The following AATK variants were observed in gnomAD, a reference collection of about 807,000 sequenced individuals.
The protein encoded by AATK is serine/threonine-protein kinase LMTK1.
Under a neutral mutation model 114.3 loss-of-function variants are expected in AATK, and 91 were observed. The observed-to-expected ratio is 0.80, with a 90% CI of 0.67 to 0.95. The LOEUF (loss-of-function observed/expected upper bound fraction) is 0.95, where lower values mean the gene tolerates loss of function less well. Among genes scored for constraint, AATK ranks in the 40% least tolerant of loss-of-function variants. The pLI, the probability that AATK is intolerant of heterozygous loss-of-function variation, is 0.00. For synonymous variants in AATK, 1,075 were observed against 916.5 expected (o/e 1.17, Z -3.12); for missense variants, 2,176 against 1,965.2 (o/e 1.11, Z -2.03).
Position 81,126,691 on chromosome 17 carries a change from G to A in AATK, c.622-131C>T, listed in dbSNP as rs1216489248. The A allele has an allele frequency of 1.5e-5, 22 of 1,444,280 alleles. No homozygotes were observed. The highest frequency in any genetic ancestry group is 7.5e-5 in the East Asian group (3 of 39,836). 89.5% of individuals were successfully genotyped at this position (1,444,280 alleles called of 1,614,324 possible). A position where few individuals can be genotyped will look rare whatever the true frequency, so the allele number is the denominator to read the frequency against. On this transcript the variant is annotated intron_variant, in intron 6 of 13. Transcript: ENST00000326724. The surrounding 1 kb of genome is among the most constrained non-coding windows in gnomAD (Gnocchi z 5.1). ...GACAGCAGCTGCCCAGAGCAGCCTC[G>A]TGCCCTGCACAGTGGCCAGCACCCA... is the stretch of plus-strand genomic sequence containing the variant.
At chr17:81,119,343 C>T (rs1279000212) in intron 13 of AATK, 37 bp downstream of exon 13, 3 of 1,389,990 alleles carry the variant, frequency 2.2e-6, no homozygotes, top group Non-Finnish European at 2.8e-6. Flanking sequence ...CCCTGCCTCC[C>T]GCGTGCCCTT....
intron 6 of AATK, 30 bp downstream of exon 6, chr17:81,127,553 A>T: frequency 1.3e-6 from 2 of 1,568,802 alleles, no homozygotes; most frequent in South Asian, 1.2e-5. Flanking sequence ...CTCAGCAAAG[A>T]CCCCAGCATC....
intron 1 of AATK, among the ~76,000 whole-genome samples, chr17:81,156,069 T>C (rs1020898910): frequency 1.4e-5 from 2 of 147,898 alleles, no homozygotes; most frequent in Non-Finnish European, 3.0e-5. Context: ...TTATAATGTA[T>C]GTTACTATGT....
rs1447538279 is a variant in AATK at position 81,121,798 on chromosome 17, T to C, written c.2138A>G (p.Gln713Arg). The change falls in exon 11 of 14, where the codon CAG (glutamine) becomes CGG (arginine). Residue 713 changes from glutamine (Q) to arginine (R), a missense_variant. By Grantham distance (43) the Gln-to-Arg change is conservative. Around this residue, in one of 4 missense-constraint regions of AATK, gnomAD observed 1,701 missense variants for 1,394.7 expected, o/e 1.22. Coordinates refer to ENST00000326724, the MANE Select transcript of AATK (RefSeq NM_001080395.3). ...CGGCTCGGGGGAGGCCCGTGGGGTCTGCTTTGGACTGGGGCAGCCCTCAGC... is the reference window on the plus strand; with the variant it reads ...CGGCTCGGGGGAGGCCCGTGGGGTCCGCTTTGGACTGGGGCAGCCCTCAGC... ...GHAEGCPSPK[Q>R]TPRASPEPGY... The C allele has an allele frequency of 2.5e-6, 4 of 1,572,584 alleles. No homozygotes were observed. The East Asian group carries it at 9.2e-5, about 36-fold the overall frequency.
At chr17:81,165,886 G>C (rs1384409734) in intron 1 of AATK, 52 bp downstream of exon 1, 2 of 1,551,578 alleles carry the variant, frequency 1.3e-6, no homozygotes, top group Non-Finnish European at 1.7e-6. Context: ...GGGGCATCAC[G>C]TCCGCAGCGG....
At chr17:81,118,923 A>G (rs566338697) in intron 13 of AATK, among the ~76,000 whole-genome samples, 63 of 152,220 alleles carry the variant, frequency 4.1e-4, no homozygotes, top group Non-Finnish European at 8.1e-4. Context: ...GGCAGAGATG[A>G]GCCCAGCCTG....
In AATK at chr17:81,131,170, G is replaced by A. The variant is rs199818976; in HGVS notation, c.225C>T (p.Ala75=). ...FENAEGDEYA[A]DLAQGSPATA... is the part of the protein sequence containing the mutation. ...TGGCCGGGGAGCCCTGCGCCAGGTC[G>A]GCTGCGTACTCGTCCCCCTCCGCAT... The change falls in exon 3 of 14, where the codon GCC becomes GCT. Residue 75 remains alanine, a synonymous_variant. Transcript: ENST00000326724. The A allele has an allele frequency of 7.8e-4, 1,227 of 1,580,474 alleles. 7 individuals are homozygous for A. Among genetic ancestry groups the A allele is most frequent in the Middle Eastern group, 2.0e-3 (12 of 6,024 alleles).
Position 81,165,919 on chromosome 17 carries a change from C to T in AATK, c.55+19G>A. Reference sequence around the variant, plus strand: ...CGGAGGGAGGCAGCGGCGCGCAGGCCGGGCCGCCAGGGACTCACCGGGGTC... The same window carrying T: ...CGGAGGGAGGCAGCGGCGCGCAGGCTGGGCCGCCAGGGACTCACCGGGGTC... On this transcript the variant is annotated intron_variant, in intron 1 of 13. Transcript: ENST00000326724. 2 of 1,570,812 alleles carry T rather than the reference C, an allele frequency of 1.3e-6. No homozygotes were observed. Among genetic ancestry groups the T allele is most frequent in the Middle Eastern group, 1.7e-4 (1 of 5,990 alleles).
intron 1 of AATK, among the ~76,000 whole-genome samples, chr17:81,160,890 G>A (rs1359768887): frequency 1.3e-5 from 2 of 152,202 alleles, no homozygotes; most frequent in Non-Finnish European, 2.9e-5. Flanking sequence ...AGGAGACACC[G>A]AGGTGCTCCG....
chr17:81,120,128 G>T (rs1190444739), intron 11 of AATK, 45 bp from the exon 12 acceptor site: 2 of 1,480,554 alleles, frequency 1.4e-6, no homozygotes, highest in Non-Finnish European at 1.8e-6. Flanking sequence ...GCCAGGAGCC[G>T]CGGCCGCTCC....
At chr17:81,151,576 G>A (rs1258469044) in intron 1 of AATK, among the ~76,000 whole-genome samples, 1 of 152,076 alleles carries the variant, frequency 6.6e-6, no homozygotes, top group Non-Finnish European at 1.5e-5. Context: ...AGCCTCCCAG[G>A]ACAAAGGCTG....
rs1004756246 is a variant in AATK at position 81,151,237 on chromosome 17, G to A, written c.55+14701C>T. Reference sequence around the variant, plus strand: ...TTTTCCAGGTGGAGACACGGAAGCCGGGTGTCAGCCAAGCCCCACCTGCAC... The same window carrying A: ...TTTTCCAGGTGGAGACACGGAAGCCAGGTGTCAGCCAAGCCCCACCTGCAC... On this transcript the variant is annotated intron_variant, in intron 1 of 13. Coordinates refer to ENST00000326724, the MANE Select transcript of AATK (RefSeq NM_001080395.3). Among the ~76,000 whole-genome samples the A allele has an allele frequency of 5.9e-5, 9 of 151,812 alleles. No homozygotes were observed. In the East Asian group the frequency reaches 1.2e-3, roughly 20 times the overall value.
Position 81,126,751 on chromosome 17 carries a change from T to C in AATK, c.622-191A>G, listed in dbSNP as rs1598919557. On this transcript the variant is annotated intron_variant, in intron 6 of 13. Transcript: ENST00000326724. This position sits in a 1 kb window ranked among gnomAD's most constrained non-coding sequence, Gnocchi z 5.1. ...GGAGGGGGGCCGTGTCCCCCAGGGC[T>C]GGGCTGGACTGAAGGCTTCCTCTCC... is the stretch of plus-strand genomic sequence containing the variant. 7.1e-7 allele frequency: 1 copy of C among 1,407,828 alleles called. No homozygotes were observed. The highest frequency in any genetic ancestry group is 9.2e-7 in the Non-Finnish European group (1 of 1,082,812). The allele number at this position is 1,407,828 out of a possible 1,614,324, so 87.2% of individuals were successfully genotyped here. A position where few individuals can be genotyped will look rare whatever the true frequency, so the allele number is the denominator to read the frequency against.
intron 1 of AATK, among the ~76,000 whole-genome samples, chr17:81,139,805 C>T (rs537019997): frequency 6.6e-6 from 1 of 152,326 alleles, no homozygotes; most frequent in Admixed American, 6.5e-5. Flanking sequence ...CTGGAGGGTG[C>T]CTATGTGAGC....
rs1302864952 is a variant in AATK at position 81,122,461 on chromosome 17, G to A, written c.1475C>T (p.Ala492Val). The A allele has an allele frequency of 1.4e-6, 2 of 1,451,638 alleles. No homozygotes were observed. Among genetic ancestry groups the A allele is most frequent in the East Asian group, 6.2e-5 (2 of 32,136 alleles). The allele number at this position is 1,451,638 out of a possible 1,614,324, so 89.9% of individuals were successfully genotyped here. ...TGCGGTGCGGCCAGGGCTCAGCGTG[G>A]CCGGGAAGGCCTCCGCGCCGCGGCC... ...EAGRGAEAFP[A>V]TLSPGRTARL... The change falls in exon 11 of 14, where the codon GCC becomes GTC. Residue 492 changes from alanine (A) to valine (V), a missense_variant. By Grantham distance (64) the Ala-to-Val change is moderately conservative. Coordinates refer to ENST00000326724, the MANE Select transcript of AATK (RefSeq NM_001080395.3).
intron 6 of AATK, among the ~76,000 whole-genome samples, 169 bp downstream of exon 6, chr17:81,127,414 C>G (rs2060857550): frequency 6.6e-6 from 1 of 152,040 alleles, no homozygotes; most frequent in Admixed American, 6.5e-5. Context: ...CCTGGTGAGG[C>G]TAGGTCTCCC....
At position 81,121,218 on chromosome 17, in the gene AATK, C is replaced by G; in HGVS notation, c.2718G>C (p.Leu906=). Residue 906 remains leucine, a synonymous_variant, in exon 11 of 14, where the codon CTG becomes CTC. Coordinates refer to ENST00000326724, the MANE Select transcript of AATK (RefSeq NM_001080395.3). ...CATCACTGGCTGAGGACGGGATGTC[C>G]AGGGAGTCCAGGGAGTCGGGGGTCC... ...QVGTPDSLDS[L]DIPSSASDGG... The G allele has an allele frequency of 6.2e-7, 1 of 1,604,286 alleles. No homozygotes were observed. The highest frequency in any genetic ancestry group is 1.1e-5 in the South Asian group (1 of 89,538).
In AATK at chr17:81,142,781, G is replaced by A. The variant is rs769585727; in HGVS notation, c.56-8280C>T. Among the ~76,000 whole-genome samples the A allele has an allele frequency of 8.4e-5, 6 of 71,182 alleles. No individual in the cohort carries two copies. The South Asian group carries it at 1.9e-3, about 22-fold the overall frequency. The allele number at this position is 71,182 out of a possible 152,430, so 46.7% of individuals were successfully genotyped here. On this transcript the variant is annotated intron_variant, in intron 1 of 13. Transcript: ENST00000326724. ...GCAGTAAGGACCCAGCCCCACCCCCGCCCCAGCCAGCCAGCCTCCCTGTCC... is the reference window on the plus strand; with the variant it reads ...GCAGTAAGGACCCAGCCCCACCCCCACCCCAGCCAGCCAGCCTCCCTGTCC...
At chr17:81,119,631 C>T in intron 12 of AATK, 51 bp from the exon 13 acceptor site, 1 of 1,489,374 alleles carries the variant, frequency 6.7e-7, no homozygotes, top group Non-Finnish European at 8.9e-7. Flanking sequence ...GGACCCCGGC[C>T]CGGCCCCGCT....
Sources: allele counts gnomAD v4.1 joint callset (sites outside exome capture counted in the v4.1 genomes callset), GRCh38; gene constraint gnomAD v4.1.1; regional missense constraint gnomAD v4.1.1; non-coding constraint Gnocchi (gnomAD v3.1); transcripts MANE v1.5; gene names NCBI Gene and HGNC (gene_info 2026-07-23, HGNC 2026-07-21).